PHTF2: variants seen among roughly 807,000 people sequenced by gnomAD.
PHTF2 encodes protein PHTF2.
In PHTF2, 60 loss-of-function variants were observed where a neutral mutation model predicts 101.2. That is an observed-to-expected ratio of 0.59 (90% CI 0.48 to 0.73). The LOEUF is 0.73. Among genes scored for constraint, PHTF2 ranks in the 30% least tolerant of loss-of-function variants. PHTF2 has a pLI of 0.00. For synonymous variants in PHTF2, 311 were observed against 307.3 expected, an observed-to-expected ratio of 1.01 and a Z score of -0.13; for missense variants, 747 against 908.7, an observed-to-expected ratio of 0.82 and a Z score of 2.29.
intron 1 of PHTF2, among the ~76,000 whole-genome samples, chr7:77,818,029 C>T (rs1011783433): frequency 6.7e-6 from 1 of 150,034 alleles, no homozygotes; most frequent in African/African-American, 2.5e-5. Context: ...AGAATCTCTT[C>T]AAACTGGAAG....
chr7:77,840,145 T>A (rs1285298177), intron 1 of PHTF2, 76 bp from the exon 2 acceptor site: 3 of 749,742 alleles, frequency 4.0e-6, no homozygotes, highest in African/African-American at 1.7e-5. Context: ...ACCAGAGTGC[T>A]ATGTCTGCAT....
intron 1 of PHTF2, among the ~76,000 whole-genome samples, chr7:77,836,669 G>A (rs1019195421): frequency 2.0e-5 from 3 of 152,102 alleles, no homozygotes; most frequent in Admixed American, 6.5e-5. Flanking sequence ...TCCTTTGCAG[G>A]GACATGGATG....
intron 9 of PHTF2, among the ~76,000 whole-genome samples, chr7:77,914,065 CAAAAAAAAAAAAAAAAG>C (rs1327653526): frequency 2.9e-5 from 2 of 68,694 alleles, no homozygotes; most frequent in Non-Finnish European, 6.1e-5. Flanking sequence ...GACTCTGTCT[CAAAAAAAAAAAAAAAAG>C]GAAAAAAAAA....
intron 9 of PHTF2, among the ~76,000 whole-genome samples, chr7:77,914,333 A>G (rs759529946): frequency 3.3e-5 from 5 of 152,200 alleles, no homozygotes; most frequent in Admixed American, 6.5e-5. Flanking sequence ...GGAGTTGGAT[A>G]TGCAATATTT....
At chr7:77,830,982 G>A (rs1310604898) in intron 1 of PHTF2, among the ~76,000 whole-genome samples, 1 of 152,194 alleles carries the variant, frequency 6.6e-6, no homozygotes, top group Non-Finnish European at 1.5e-5. Context: ...TGTAAAGGGG[G>A]AAGACCCAAT....
chr7:77,805,384 A>T (rs1792892603), intron 1 of PHTF2, among the ~76,000 whole-genome samples: 1 of 151,428 alleles, frequency 6.6e-6, no homozygotes, highest in African/African-American at 2.4e-5. Context: ...TTCTATGTTG[A>T]TTTTCTATCC....
chr7:77,902,730 C>A (rs996024696), intron 7 of PHTF2, among the ~76,000 whole-genome samples: 10 of 151,124 alleles, frequency 6.6e-5, no homozygotes, highest in African/African-American at 1.7e-4. Flanking sequence ...AAAAAAAAAA[C>A]CATGATTACA....
intron 1 of PHTF2, among the ~76,000 whole-genome samples, chr7:77,808,354 G>A (rs990866505): frequency 5.9e-5 from 9 of 152,066 alleles, no homozygotes; most frequent in African/African-American, 1.9e-4. Flanking sequence ...TTTTAGCAGT[G>A]TTTTTAATAA....
intron 2 of PHTF2, among the ~76,000 whole-genome samples, chr7:77,846,441 A>T (rs993425399): frequency 2.6e-5 from 4 of 152,210 alleles, no homozygotes; most frequent in Non-Finnish European, 4.4e-5. Flanking sequence ...AATGCTTTAC[A>T]TATATTAAAT....
At chr7:77,862,113 A>C (rs757901256) in intron 3 of PHTF2, among the ~76,000 whole-genome samples, 15 of 151,960 alleles carry the variant, frequency 9.9e-5, no homozygotes, top group Admixed American at 3.3e-4. Flanking sequence ...CTTCCCTAGC[A>C]GTACCTTTTT....
chr7:77,820,936 A>G (rs903619200), intron 1 of PHTF2, among the ~76,000 whole-genome samples: 7 of 152,166 alleles, frequency 4.6e-5, no homozygotes, highest in Non-Finnish European at 2.9e-5. Context: ...GGTGAGTTTT[A>G]TAGTTTCACA....
rs71082798 is a variant in PHTF2, at chr7:77,947,837, C to CTTTTTTTTTTTTTTTTTTTTTTTTTTTT, written c.1960-1823_1960-1822insTTTTTTTTTTTTTTTTTTTTTTTTTTTT. 4.6e-4 allele frequency among the ~76,000 whole-genome samples: 34 copies of CTTTTTTTTTTTTTTTTTTTTTTTTTTTT among 73,800 alleles called. 5 individuals carry two copies. Among genetic ancestry groups the CTTTTTTTTTTTTTTTTTTTTTTTTTTTT allele is most frequent in the African/African-American group, 7.4e-4 (13 of 17,474 alleles). The allele number at this position is 73,800 out of a possible 152,430, so 48.4% of individuals were successfully genotyped here. On this transcript the variant is annotated intron_variant, in intron 16 of 19. Transcript: ENST00000416283. Reference sequence around the variant, plus strand: ...TTATTTTCTTTTTTCTTTTTTCTTTCTTTTTTTTTTTTTTTTTTGAGACAG... The same window carrying CTTTTTTTTTTTTTTTTTTTTTTTTTTTT: ...TTATTTTCTTTTTTCTTTTTTCTTTCTTTTTTTTTTTTTTTTTTTTTTTTTTTTTTTTTTTTTTTTTTTTTTGAGACAG...
exon 20 of PHTF2, chr7:77,956,177 G>A (rs1434080730): frequency 6.6e-6 from 1 of 152,376 alleles, no homozygotes; most frequent in Non-Finnish European, 1.5e-5. Flanking sequence ...TGGGCATCTG[G>A]TTTCTAAAAA....
intron 1 of PHTF2, among the ~76,000 whole-genome samples, chr7:77,827,160 T>A (rs1177519230): frequency 6.6e-6 from 1 of 152,322 alleles, no homozygotes; most frequent in Admixed American, 6.5e-5. Flanking sequence ...TGTGGATTTA[T>A]TAAAGAATGA....
chr7:77,928,042 T>C (rs1804219981), intron 11 of PHTF2, among the ~76,000 whole-genome samples: 1 of 152,176 alleles, frequency 6.6e-6, no homozygotes, highest in African/African-American at 2.4e-5. Flanking sequence ...AGGAAGGCCT[T>C]TTAGGCAAAG....
intron 9 of PHTF2, among the ~76,000 whole-genome samples, chr7:77,919,807 C>G (rs1163859337): frequency 6.6e-6 from 1 of 151,850 alleles, no homozygotes; most frequent in Non-Finnish European, 1.5e-5. Context: ...TTTTTTATAT[C>G]TTTTTATGTT....
At chr7:77,932,113 AAAAT>A (rs1804625822) in intron 12 of PHTF2, among the ~76,000 whole-genome samples, 1 of 152,190 alleles carries the variant, frequency 6.6e-6, no homozygotes, top group Admixed American at 6.5e-5. Context: ...AATAAAATAA[AAAAT>A]AAAAAGGATG....
chr7:77,923,120 A>G, intron 11 of PHTF2: 1 of 1,001,046 alleles, frequency 1.0e-6, no homozygotes, highest in Non-Finnish European at 1.2e-6. Context: ...ATTTGATCAT[A>G]GCAAAGTTAT....
chr7:77,887,425 T>G (rs1562915680), intron 3 of PHTF2, among the ~76,000 whole-genome samples: 1 of 151,886 alleles, frequency 6.6e-6, no homozygotes, highest in African/African-American at 2.4e-5. Flanking sequence ...TTATTGTTGT[T>G]GTTTTTTTTT....
Sources: gnomAD v4.1 joint callset for allele counts (sites outside exome capture counted in the v4.1 genomes callset) on GRCh38, gnomAD v4.1.1 for gene constraint, MANE v1.5 for transcripts, NCBI Gene and HGNC (gene_info 2026-07-23, HGNC 2026-07-21) for gene names.